The following PXDNL variants were observed in gnomAD, a reference collection of about 807,000 sequenced individuals.
PXDNL encodes peroxidasin like, also known as probable oxidoreductase PXDNL.
Under a neutral mutation model 150.8 loss-of-function variants are expected in PXDNL, and 145 were observed. That is an observed-to-expected ratio of 0.96 (90% confidence interval 0.84 to 1.10). The LOEUF is 1.10. Ranked by LOEUF, PXDNL falls within the 50% of genes least tolerant of loss-of-function variation. The pLI, the probability that PXDNL is intolerant of heterozygous loss-of-function variation, is 0.00. For missense variants in PXDNL, 2,087 were observed against 1,873.9 expected, an observed-to-expected ratio of 1.11 and a Z score of -2.10; for synonymous variants, 757 against 725.7, an observed-to-expected ratio of 1.04 and a Z score of -0.69.
chr8:51,614,824 A>G (rs1814096838), intron 2 of PXDNL, among the ~76,000 whole-genome samples: 2 of 152,328 alleles, frequency 1.3e-5, no homozygotes, highest in African/African-American at 4.8e-5. Context: ...AGAGGGCAAC[A>G]CGATCTGGAA....
intron 2 of PXDNL, among the ~76,000 whole-genome samples, chr8:51,618,251 G>A (rs768989429): frequency 2.6e-5 from 4 of 152,246 alleles, no homozygotes; most frequent in Non-Finnish European, 5.9e-5. Context: ...AGCAAAGTCT[G>A]AAAGGCGAGG....
intron 21 of PXDNL, among the ~76,000 whole-genome samples, chr8:51,335,181 A>G (rs1805799446): frequency 6.6e-6 from 1 of 152,182 alleles, no homozygotes; most frequent in African/African-American, 2.4e-5. Flanking sequence ...AGTGATCTCC[A>G]TATCTCTGTT....
At chr8:51,570,749 A>T (rs755505933) in intron 3 of PXDNL, among the ~76,000 whole-genome samples, 2 of 151,922 alleles carry the variant, frequency 1.3e-5, no homozygotes, top group Non-Finnish European at 2.9e-5. Context: ...TCCAGCATTC[A>T]AGCTAGAATT....
intron 1 of PXDNL, among the ~76,000 whole-genome samples, chr8:51,798,225 A>T (rs2037583214): frequency 6.6e-6 from 1 of 152,246 alleles, no homozygotes; most frequent in Non-Finnish European, 1.5e-5. Context: ...CAGAACCATA[A>T]AAACCCTAGA....
At chr8:51,712,702 A>C (rs1423441453) in intron 1 of PXDNL, among the ~76,000 whole-genome samples, 3 of 152,236 alleles carry the variant, frequency 2.0e-5, no homozygotes, top group African/African-American at 7.2e-5. Context: ...TCTACATTCT[A>C]TCTATGGCAC....
At chr8:51,327,067 T>C (rs1480302242) in intron 21 of PXDNL, among the ~76,000 whole-genome samples, 2 of 152,210 alleles carry the variant, frequency 1.3e-5, no homozygotes, top group Non-Finnish European at 2.9e-5. Flanking sequence ...TTCTATTGCC[T>C]ATCTCCTTCT....
intron 1 of PXDNL, among the ~76,000 whole-genome samples, chr8:51,800,018 C>T (rs2037602410): frequency 6.6e-6 from 1 of 152,196 alleles, no homozygotes; most frequent in Non-Finnish European, 1.5e-5. Context: ...TGAACAGGCA[C>T]ATACCACAAG....
intron 4 of PXDNL, among the ~76,000 whole-genome samples, chr8:51,520,227 C>G (rs914650933): frequency 9.2e-5 from 14 of 152,184 alleles, no homozygotes; most frequent in Admixed American, 7.2e-4. Context: ...GGGAAGAACA[C>G]GGCCAGAGGG....
At chr8:51,564,672 C>T (rs1175623615) in intron 3 of PXDNL, among the ~76,000 whole-genome samples, 2 of 151,020 alleles carry the variant, frequency 1.3e-5, no homozygotes, top group Non-Finnish European at 3.0e-5. Flanking sequence ...GAACAGATTC[C>T]TTCTTTTAAG....
rs189832007 is a variant in PXDNL at position 51,520,092 on chromosome 8, A to G, written c.381-20322T>C. On this transcript the variant is annotated intron_variant, in intron 4 of 22. Coordinates refer to ENST00000356297, the MANE Select transcript of PXDNL (RefSeq NM_144651.5). Reference sequence around the variant, plus strand: ...TTCCTCCAGGAAGGAGTTCACTGAGACCCACAGAAAGAATGCCGGGGAATC... The same window carrying G: ...TTCCTCCAGGAAGGAGTTCACTGAGGCCCACAGAAAGAATGCCGGGGAATC... Among the ~76,000 whole-genome samples the G allele has an allele frequency of 1.9e-4, 29 of 152,200 alleles. No homozygotes were observed. The East Asian group carries it at 5.2e-3, about 28-fold the overall frequency.
At chr8:51,728,513 ATGATCC>A (rs1322046282) in intron 1 of PXDNL, among the ~76,000 whole-genome samples, 1 of 152,130 alleles carries the variant, frequency 6.6e-6, no homozygotes, top group Non-Finnish European at 1.5e-5. Flanking sequence ...GGTAATATTG[ATGATCC>A]TGATCCTGTG....
intron 19 of PXDNL, among the ~76,000 whole-genome samples, chr8:51,359,824 T>TAC (rs1806656506): frequency 6.6e-6 from 1 of 152,072 alleles, no homozygotes. Context: ...CTATCGCACC[T>TAC]ATCCATCCAA....
At chr8:51,400,047 G>A (rs1257213964) in intron 17 of PXDNL, among the ~76,000 whole-genome samples, 1 of 152,136 alleles carries the variant, frequency 6.6e-6, no homozygotes, top group African/African-American at 2.4e-5. Flanking sequence ...GGAATAAAAA[G>A]CAGATTCTAA....
rs1161430935 is a variant in PXDNL at position 51,608,004 on chromosome 8, A to AG, written c.237-15307dup. Among the ~76,000 whole-genome samples, 151 of 36,440 alleles carry AG rather than the reference A, an allele frequency of 4.1e-3. 1 individual carries two copies. Among genetic ancestry groups the AG allele is most frequent in the African/African-American group, 9.5e-3 (43 of 4,550 alleles). The allele number at this position is 36,440 out of a possible 152,430, so 23.9% of individuals were successfully genotyped here. ...AAGGAAGAGAGAGAGGAAGGAAGGA[A>AG]GAAAGAAAGAAAGAAAGAAAGAAAG... On this transcript the variant is annotated intron_variant, in intron 2 of 22. Coordinates refer to ENST00000356297, the MANE Select transcript of PXDNL (RefSeq NM_144651.5).
chr8:51,389,043 T>C (rs1026098785), intron 17 of PXDNL, among the ~76,000 whole-genome samples: 3 of 152,220 alleles, frequency 2.0e-5, no homozygotes, highest in Non-Finnish European at 2.9e-5. Context: ...TTTTGTTTTG[T>C]TGCTTTTCAT....
intron 1 of PXDNL, among the ~76,000 whole-genome samples, chr8:51,712,726 A>G (rs1397809468): frequency 1.3e-5 from 2 of 152,234 alleles, no homozygotes; most frequent in African/African-American, 4.8e-5. Flanking sequence ...TTACAGACAA[A>G]TCTAGATTAA....
intron 2 of PXDNL, among the ~76,000 whole-genome samples, chr8:51,624,267 C>T (rs1417132749): frequency 1.3e-5 from 2 of 152,260 alleles, no homozygotes; most frequent in Middle Eastern, 3.4e-3. Flanking sequence ...GTATTTACCT[C>T]TCTATGCAGC....
chr8:51,626,495 A>C (rs1308740694), intron 2 of PXDNL, among the ~76,000 whole-genome samples: 1 of 152,046 alleles, frequency 6.6e-6, no homozygotes. Flanking sequence ...TTATCTCTAC[A>C]CTAAACTACT....
At chr8:51,587,569 T>A (rs1813351455) in intron 3 of PXDNL, among the ~76,000 whole-genome samples, 2 of 152,192 alleles carry the variant, frequency 1.3e-5, no homozygotes, top group South Asian at 4.1e-4. Context: ...TGCAATTCTG[T>A]GGTATAGTCA....
Sources: gnomAD v4.1 joint callset for allele counts (sites outside exome capture counted in the v4.1 genomes callset) on GRCh38, gnomAD v4.1.1 for gene constraint, MANE v1.5 for transcripts, NCBI Gene and HGNC (gene_info 2026-07-23, HGNC 2026-07-21) for gene names.